The following SLC37A1 variants were observed in gnomAD, a reference collection of about 807,000 sequenced individuals.
SLC37A1 encodes glucose-6-phosphate exchanger SLC37A1.
Under a neutral mutation model 75.3 loss-of-function variants are expected in SLC37A1, and 49 were observed. That is an observed-to-expected ratio of 0.65 (90% CI 0.52 to 0.83). SLC37A1 has a LOEUF of 0.83. SLC37A1 is among the 40% of genes least tolerant of loss of function. SLC37A1 has a pLI of 0.00. For synonymous variants in SLC37A1, 268 were observed against 292.1 expected (o/e 0.92, Z 0.84); for missense variants, 566 against 695.0 (o/e 0.81, Z 2.09).
At chr21:42,568,103 G>A (rs1009197979) in intron 16 of SLC37A1, among the ~76,000 whole-genome samples, 1 of 152,238 alleles carries the variant, frequency 6.6e-6, no homozygotes, top group African/African-American at 2.4e-5. Context: ...AGGACTGTGC[G>A]GAACAAACGT....
chr21:42,520,375 TG>T (rs2054619221), intron 2 of SLC37A1, among the ~76,000 whole-genome samples: 1 of 152,218 alleles, frequency 6.6e-6, no homozygotes, highest in Non-Finnish European at 1.5e-5. Flanking sequence ...ACAATGGCCT[TG>T]TTGTGTTTGA....
Position 42,525,783 on chromosome 21 carries a change from G to A in SLC37A1, c.64G>A (p.Ala22Thr), listed in dbSNP as rs1292976429. The part of the protein sequence containing the change: ...ISFSRDQWYR[A>T]FIFILTFLLY... ...CACTGTTTTGTGTTTCAGGTACAGAGCCTTCATTTTTATTTTGACATTTCT... is the reference window on the plus strand; with the variant it reads ...CACTGTTTTGTGTTTCAGGTACAGAACCTTCATTTTTATTTTGACATTTCT... Residue 22 changes from alanine to threonine, a missense_variant, in exon 3 of 20, where the codon GCC becomes ACC. Transcript: ENST00000352133. The A allele has an allele frequency of 4.3e-6, 7 of 1,613,442 alleles. No homozygotes were observed. In the South Asian group the frequency reaches 5.5e-5, roughly 13 times the overall value.
At chr21:42,542,357 C>A in intron 6 of SLC37A1, 47 bp from the exon 7 acceptor site, 1 of 1,581,250 alleles carries the variant, frequency 6.3e-7, no homozygotes, top group Non-Finnish European at 8.7e-7. Flanking sequence ...AGCGCTGTCC[C>A]GGGCCTGCTT....
intron 15 of SLC37A1, among the ~76,000 whole-genome samples, chr21:42,566,401 C>T (rs1380184694): frequency 1.3e-5 from 2 of 152,366 alleles, no homozygotes; most frequent in South Asian, 2.1e-4. Flanking sequence ...GGAGCGGTTG[C>T]GTAACCTTGG....
intron 5 of SLC37A1, among the ~76,000 whole-genome samples, chr21:42,537,158 T>G (rs954008841): frequency 6.6e-6 from 1 of 152,032 alleles, no homozygotes; most frequent in Non-Finnish European, 1.5e-5. Flanking sequence ...TGGAGGAGAG[T>G]GCATAGCTCT....
At chr21:42,553,742 T>C (rs769284844) in intron 9 of SLC37A1, among the ~76,000 whole-genome samples, 1 of 152,138 alleles carries the variant, frequency 6.6e-6, no homozygotes, top group Non-Finnish European at 1.5e-5. Flanking sequence ...AAGGGAAAGA[T>C]TGGTCTGTGC....
chr21:42,542,386 C>T lies in SLC37A1; in HGVS notation c.487-18C>T. The T allele has an allele frequency of 6.2e-7, 1 of 1,612,798 alleles. No individual in the cohort carries two copies. The highest frequency in any genetic ancestry group is 8.5e-7 in the Non-Finnish European group (1 of 1,179,356). On this transcript the variant is annotated intron_variant, in intron 6 of 19. Coordinates refer to ENST00000352133, the MANE Select transcript of SLC37A1 (RefSeq NM_001320537.2). ...CCTGCTTCCCACAGGTCAGTCTCTC[C>T]TTTGGCCTCTCCTGCAGGTCATCAA...
At chr21:42,580,212 G>A in intron 19 of SLC37A1, 133 bp from the exon 20 acceptor site, 1 of 1,011,012 alleles carries the variant, frequency 9.9e-7, no homozygotes. Context: ...CACCCCTGCA[G>A]GAGAGGAATC....
intron 16 of SLC37A1, 83 bp downstream of exon 16, chr21:42,567,141 A>C: frequency 6.9e-7 from 1 of 1,442,270 alleles, no homozygotes; most frequent in Admixed American, 1.8e-5. Flanking sequence ...CATTACTGTT[A>C]GTAAAACTGC....
chr21:42,548,974 A>G lies in SLC37A1; in HGVS notation c.768+1834A>G, dbSNP rs1415197408. On this transcript the variant is annotated intron_variant, in intron 9 of 19. Coordinates refer to ENST00000352133, the MANE Select transcript of SLC37A1 (RefSeq NM_001320537.2). The surrounding 1 kb of genome is among the most constrained non-coding windows in gnomAD (Gnocchi z 5.6). Reference sequence around the variant, plus strand: ...TACTTGATGACAAAAACAAAGAAACAAAATGAAGTTTGAAAACCAGTGCCT... The same window carrying G: ...TACTTGATGACAAAAACAAAGAAACGAAATGAAGTTTGAAAACCAGTGCCT... Among the ~76,000 whole-genome samples the G allele has an allele frequency of 6.6e-6, 1 of 152,208 alleles. No individual in the cohort carries two copies. Among genetic ancestry groups the G allele is most frequent in the African/African-American group, 2.4e-5 (1 of 41,448 alleles).
At chr21:42,524,356 C>T (rs2054727617) in intron 2 of SLC37A1, among the ~76,000 whole-genome samples, 1 of 152,224 alleles carries the variant, frequency 6.6e-6, no homozygotes, top group Non-Finnish European at 1.5e-5. Context: ...TGTCTTCTTT[C>T]TAAGGCACCT....
rs977779224 is a variant in SLC37A1, at chr21:42,548,520, G to A, written c.768+1380G>A. Among the ~76,000 whole-genome samples the A allele has an allele frequency of 3.3e-5, 5 of 151,948 alleles. No individual in the cohort carries two copies. Among genetic ancestry groups the A allele is most frequent in the African/African-American group, 9.7e-5 (4 of 41,324 alleles). Reference sequence around the variant, plus strand: ...TGTTCTGTCAGTTCTGCTCTGTTCTGTGAGGGGATGTGGAATGGAAACCCT... The same window carrying A: ...TGTTCTGTCAGTTCTGCTCTGTTCTATGAGGGGATGTGGAATGGAAACCCT... On this transcript the variant is annotated intron_variant, in intron 9 of 19. Coordinates refer to ENST00000352133, the MANE Select transcript of SLC37A1 (RefSeq NM_001320537.2). This position sits in a 1 kb window ranked among gnomAD's most constrained non-coding sequence, Gnocchi z 5.6.
chr21:42,568,802 G>C (rs570289847), intron 17 of SLC37A1, among the ~76,000 whole-genome samples: 1 of 101,692 alleles, frequency 9.8e-6, no homozygotes, highest in African/African-American at 3.2e-5. Context: ...ATCATACAGG[G>C]TTCTGAGTGT....
chr21:42,505,912 T>C (rs1431979843), intron 2 of SLC37A1, among the ~76,000 whole-genome samples: 7 of 152,204 alleles, frequency 4.6e-5, no homozygotes, highest in East Asian at 1.9e-4. Flanking sequence ...ATCTTTGTAA[T>C]AGGGACAGTG....
In SLC37A1 at chr21:42,561,854, C is replaced by G. The variant is rs1221750188; in HGVS notation, c.982-224C>G. 2.6e-5 allele frequency: 13 copies of G among 501,394 alleles called. No homozygotes were observed. In the Admixed American group the frequency reaches 2.6e-4, roughly 10 times the overall value. 31.1% of individuals were successfully genotyped at this position (501,394 alleles called of 1,614,324 possible). A position where few individuals can be genotyped will look rare whatever the true frequency, so the allele number is the denominator to read the frequency against. ...CCCCACCCTTCTCAGAGGCCCCGCCCCTCCCTGGTGCCCCTGCTCGGGGTG... is the reference window on the plus strand; with the variant it reads ...CCCCACCCTTCTCAGAGGCCCCGCCGCTCCCTGGTGCCCCTGCTCGGGGTG... On this transcript the variant is annotated intron_variant, in intron 11 of 19. Transcript: ENST00000352133.
chr21:42,580,217 G>A, intron 19 of SLC37A1, 128 bp from the exon 20 acceptor site: 1 of 1,048,914 alleles, frequency 9.5e-7, no homozygotes, highest in Admixed American at 2.0e-5. Flanking sequence ...CTGCAGGAGA[G>A]GAATCCCTGC....
chr21:42,559,478 T>C (rs1043640847), intron 11 of SLC37A1, among the ~76,000 whole-genome samples: 2 of 152,238 alleles, frequency 1.3e-5, no homozygotes, highest in African/African-American at 4.8e-5. Flanking sequence ...CCCTCCCCAG[T>C]GCACTTGCCC....
rs905052485 is a variant in SLC37A1 at position 42,530,652 on chromosome 21, A to ACCCCCCCC, written c.139-4045_139-4044insCCCCCCCC. Among the ~76,000 whole-genome samples the ACCCCCCCC allele has an allele frequency of 1.2e-3, 29 of 25,056 alleles. 2 individuals carry two copies. The highest frequency in any genetic ancestry group is 2.1e-3 in the Non-Finnish European group (24 of 11,602). The allele number at this position is 25,056 out of a possible 152,430, so 16.4% of individuals were successfully genotyped here. The stretch of plus-strand genomic sequence containing the variant: ...CACACACACACACACACACACACAC[A>ACCCCCCCC]CACCCCCTCTGTGTTGGCTGAAGGT... On this transcript the variant is annotated intron_variant, in intron 3 of 19. Coordinates refer to ENST00000352133, the MANE Select transcript of SLC37A1 (RefSeq NM_001320537.2).
At chr21:42,576,192 G>A (rs555010603) in intron 18 of SLC37A1, among the ~76,000 whole-genome samples, 1 of 152,136 alleles carries the variant, frequency 6.6e-6, no homozygotes, top group African/African-American at 2.4e-5. Flanking sequence ...CTTCGTCATA[G>A]AGCCAGGACC....
Sources: gnomAD v4.1 joint callset for allele counts (sites outside exome capture counted in the v4.1 genomes callset) on GRCh38, gnomAD v4.1.1 for gene constraint, Gnocchi (gnomAD v3.1) non-coding constraint, MANE v1.5 for transcripts, NCBI Gene and HGNC (gene_info 2026-07-23, HGNC 2026-07-21) for gene names.